Variants in PHF24 observed in about 807,000 individuals in gnomAD.
PHF24 encodes the protein PHD finger protein 24.
In PHF24, 25 loss-of-function variants were observed where a neutral mutation model predicts 42.6. The observed-to-expected ratio is 0.59, with a 90% confidence interval of 0.43 to 0.82. The LOEUF is 0.82. Ranked by LOEUF, PHF24 falls within the 40% of genes least tolerant of loss-of-function variation. The pLI is 0.00. For missense variants in PHF24, 470 were observed against 538.1 expected, an observed-to-expected ratio of 0.87 and a Z score of 1.25; for synonymous variants, 185 against 204.8, an observed-to-expected ratio of 0.90 and a Z score of 0.83.
intron 1 of PHF24, among the ~76,000 whole-genome samples, chr9:34,970,141 C>T (rs1021459329): frequency 1.3e-5 from 2 of 152,182 alleles, no homozygotes; most frequent in Admixed American, 1.3e-4. Flanking sequence ...CTCTGCTCCA[C>T]TTTACTTAGA....
At chr9:34,709,545 G>GC in the PHF24 span, 16 of 1,613,990 alleles carry the variant, frequency 9.9e-6, no homozygotes, top group East Asian at 3.3e-4. Flanking sequence ...AGTCTTGGAG[G>GC]CCCCCCTGTC....
chr9:34,757,491 T>G, the PHF24 span, among the ~76,000 whole-genome samples: 1 of 152,168 alleles, frequency 6.6e-6, no homozygotes, highest in Non-Finnish European at 1.5e-5. Context: ...CCTTTGGAGA[T>G]TTCATATTTC....
At chr9:34,979,269 C>T (rs1227191171) in exon 8 of PHF24, 5 of 152,212 alleles carry the variant, frequency 3.3e-5, no homozygotes, top group South Asian at 2.1e-4. Flanking sequence ...AGAAGTTTTC[C>T]GCTTCTCCCT....
chr9:34,753,427 T>A, the PHF24 span, among the ~76,000 whole-genome samples: 5 of 152,068 alleles, frequency 3.3e-5, no homozygotes, highest in African/African-American at 1.2e-4. Context: ...TACCTAGGAA[T>A]TAACCAGACA....
At chr9:34,797,535 C>T in the PHF24 span, among the ~76,000 whole-genome samples, 1 of 152,136 alleles carries the variant, frequency 6.6e-6, no homozygotes, top group Non-Finnish European at 1.5e-5. Context: ...GACTCTCCTC[C>T]GACTGCCCAG....
chr9:34,678,363 T>G, the PHF24 span: 1 of 148,674 alleles, frequency 6.7e-6, no homozygotes, highest in Non-Finnish European at 1.5e-5. Context: ...AATGACGTTT[T>G]GCTCTTGTTG....
chr9:34,724,010 C>T, the PHF24 span: 64 of 1,547,360 alleles, frequency 4.1e-5, no homozygotes, highest in South Asian at 4.8e-4. Flanking sequence ...TTCAGCAGGG[C>T]GTCTCTCTTC....
chr9:34,886,268 A>AC, the PHF24 span, among the ~76,000 whole-genome samples: 3 of 150,658 alleles, frequency 2.0e-5, no homozygotes, highest in Non-Finnish European at 4.4e-5. Context: ...AAAAAAAAAA[A>AC]AAACTCCTTC....
At chr9:34,754,605 G>A in the PHF24 span, among the ~76,000 whole-genome samples, 2 of 152,168 alleles carry the variant, frequency 1.3e-5, no homozygotes, top group African/African-American at 4.8e-5. Context: ...ACACTGTTGA[G>A]GGAATGTAAA....
Position 34,958,707 on chromosome 9 carries a change from C to T in PHF24, c.-5+306C>T, listed in dbSNP as rs1024991072. On this transcript the variant is annotated intron_variant, in intron 1 of 7. Coordinates refer to ENST00000242315, the Ensembl canonical transcript of PHF24. The surrounding 1 kb of genome is among the most constrained non-coding windows in gnomAD (Gnocchi z 4.5). ...GGCCCCAGAGAGCCCTTCTGTGTCA[C>T]TGTGGGAGCAGGCACAAGGGTGGTC... 5.3e-5 allele frequency among the ~76,000 whole-genome samples: 8 copies of T among 152,180 alleles called. No homozygotes were observed. The highest frequency in any genetic ancestry group is 1.4e-4 in the African/African-American group (6 of 41,460).
the PHF24 span, among the ~76,000 whole-genome samples, chr9:34,852,919 C>T: frequency 6.6e-6 from 1 of 152,110 alleles, no homozygotes; most frequent in Non-Finnish European, 1.5e-5. Flanking sequence ...AGCTCTGTAC[C>T]TGGATAGTTA....
chr9:34,732,454 G>A, the PHF24 span, among the ~76,000 whole-genome samples: 1 of 152,058 alleles, frequency 6.6e-6, no homozygotes. Flanking sequence ...TTTTTCAATA[G>A]GATTATTAGA....
chr9:34,832,235 A>G, the PHF24 span: 4 of 440,756 alleles, frequency 9.1e-6, no homozygotes, highest in African/African-American at 4.0e-5. Flanking sequence ...ACTCTTTTTC[A>G]TGGCTCTGTG....
the PHF24 span, among the ~76,000 whole-genome samples, chr9:34,914,919 G>A: frequency 5.4e-5 from 8 of 148,526 alleles, no homozygotes; most frequent in Admixed American, 5.3e-4. Flanking sequence ...CTGAGTACCT[G>A]GGACTACAGG....
the PHF24 span, chr9:34,835,886 G>A: frequency 1.0e-6 from 1 of 981,674 alleles, no homozygotes; most frequent in Non-Finnish European, 1.6e-6. Context: ...AAGATCTCTA[G>A]GCAAGAGGAG....
the PHF24 span, among the ~76,000 whole-genome samples, chr9:34,929,835 T>C: frequency 2.0e-5 from 3 of 152,194 alleles, no homozygotes; most frequent in African/African-American, 7.2e-5. Flanking sequence ...TCCCCGACTC[T>C]TCATCCTCTT....
chr9:34,690,107 C>T, the PHF24 span: 17 of 1,588,466 alleles, frequency 1.1e-5, no homozygotes, highest in African/African-American at 6.7e-5. Flanking sequence ...CAGGGATTTC[C>T]TTGAAGGGGT....
chr9:34,837,556 C>A, the PHF24 span: 25 of 891,930 alleles, frequency 2.8e-5, no homozygotes, highest in East Asian at 6.8e-4. Flanking sequence ...TCTTCAGTGG[C>A]AGAGCACCTG....
the PHF24 span, among the ~76,000 whole-genome samples, chr9:34,738,500 G>A: frequency 9.2e-5 from 14 of 152,174 alleles, no homozygotes; most frequent in East Asian, 5.8e-4. Context: ...ACAGGCACCT[G>A]CCACCATGCC....
Sources: gnomAD v4.1 joint callset for allele counts (sites outside exome capture counted in the v4.1 genomes callset) on GRCh38, gnomAD v4.1.1 for gene constraint, Gnocchi (gnomAD v3.1) non-coding constraint, MANE v1.5 for transcripts, NCBI Gene and HGNC (gene_info 2026-07-23, HGNC 2026-07-21) for gene names.